The following ASXL1 variants were observed in gnomAD, a reference collection of about 807,000 sequenced individuals.
The protein encoded by ASXL1 is polycomb group protein ASXL1.
Under a neutral mutation model 89.1 loss-of-function variants are expected in ASXL1, and 65 were observed. That is an observed-to-expected ratio of 0.73 (90% CI 0.60 to 0.90). ASXL1 has a LOEUF of 0.90. ASXL1 is among the 40% of genes least tolerant of loss of function. The pLI is 0.00. For missense variants in ASXL1, 1,786 were observed against 1,942.9 expected (o/e 0.92, Z 1.52); for synonymous variants, 739 against 746.9 (o/e 0.99, Z 0.17).
chr20:32,366,276 A>G, intron 1 of ASXL1, 108 bp from the exon 2 acceptor site: 2 of 953,396 alleles, frequency 2.1e-6, no homozygotes, highest in Admixed American at 3.7e-5. Flanking sequence ...TGGAAAAACT[A>G]AGTTGTCACC....
chr20:32,395,409 T>A (rs2048744965), intron 4 of ASXL1, among the ~76,000 whole-genome samples: 1 of 152,214 alleles, frequency 6.6e-6, no homozygotes, highest in Admixed American at 6.5e-5. Context: ...CAAATTTATC[T>A]TTTTTGCCTT....
At position 32,434,480 on chromosome 20, in the gene ASXL1, A is replaced by G; in HGVS notation, c.1768A>G (p.Thr590Ala). ...KPPWVVKGQP[T>A]YQICPRIIPT... ...ACCCTGGGTGGTTAAAGGTCAGCCC[A>G]CTTACCAGATATGCCCCCGGATCAT... The change falls in exon 13 of 13, where the codon ACT becomes GCT. Residue 590 changes from threonine to alanine, a missense_variant. Thr to Ala is a moderately conservative substitution (Grantham distance 58). Coordinates refer to ENST00000375687, the MANE Select transcript of ASXL1 (RefSeq NM_015338.6). The G allele has an allele frequency of 6.2e-7, 1 of 1,614,098 alleles. No individual in the cohort carries two copies. The highest frequency in any genetic ancestry group is 8.5e-7 in the Non-Finnish European group (1 of 1,180,022).
intron 4 of ASXL1, among the ~76,000 whole-genome samples, chr20:32,392,627 C>T (rs994326559): frequency 1.3e-5 from 2 of 150,994 alleles, no homozygotes; most frequent in African/African-American, 4.8e-5. Context: ...GAAATCTTTC[C>T]TCTTTTCTAA....
chr20:32,439,147 A>G lies in ASXL1; in HGVS notation c.*1809A>G. On this transcript the variant is annotated 3_prime_UTR_variant, in exon 13 of 13. Transcript: ENST00000375687. ...GTCAACTTAAGCGTCTGTTTACCAA[A>G]GACCGGGAACAGGGGCCCAAACATG... The G allele has an allele frequency of 4.3e-6, 1 of 233,596 alleles. No individual in the cohort carries two copies. The highest frequency in any genetic ancestry group is 2.2e-5 in the African/African-American group (1 of 45,448). The allele number at this position is 233,596 out of a possible 1,614,324, so 14.5% of individuals were successfully genotyped here.
chr20:32,383,719 T>G (rs1404508453), intron 4 of ASXL1, among the ~76,000 whole-genome samples: 3 of 152,210 alleles, frequency 2.0e-5, no homozygotes, highest in African/African-American at 7.2e-5. Context: ...TATTACTTGG[T>G]ATCTCCACTT....
Position 32,435,985 on chromosome 20 carries a change from C to T in ASXL1, c.3273C>T (p.Ala1091=), listed in dbSNP as rs377353179. The part of the protein sequence containing the change: ...LLASTEYQPR[A]VCLSMPGSSV... ...CCAGTACTGAGTACCAGCCAAGAGC[C>T]GTGTGCCTGTCCATGCCTGGGTCCT... The change falls in exon 13 of 13, where the codon GCC becomes GCT. Residue 1091 remains alanine, a synonymous_variant. Coordinates refer to ENST00000375687, the MANE Select transcript of ASXL1 (RefSeq NM_015338.6). The T allele has an allele frequency of 1.1e-4, 177 of 1,614,164 alleles. 1 individual carries two copies. The highest frequency in any genetic ancestry group is 1.0e-3 in the South Asian group (95 of 91,088).
At chr20:32,410,732 CAGTT>C (rs1486303669) in intron 4 of ASXL1, among the ~76,000 whole-genome samples, 4 of 151,932 alleles carry the variant, frequency 2.6e-5, no homozygotes, top group Admixed American at 1.3e-4. Flanking sequence ...CTACCTAAAA[CAGTT>C]AGTACGCTGA....
chr20:32,403,954 A>G (rs1342460058), intron 4 of ASXL1, among the ~76,000 whole-genome samples: 2 of 152,144 alleles, frequency 1.3e-5, no homozygotes, highest in Non-Finnish European at 2.9e-5. Context: ...TATGCAGTGT[A>G]TAATGATCAA....
At position 32,421,857 on chromosome 20, in the gene ASXL1, G is replaced by GTTTCT. The variant is rs1248347237; in HGVS notation, c.253-6262_253-6258dup. Among the ~76,000 whole-genome samples, 10 of 140,866 alleles carry GTTTCT rather than the reference G, an allele frequency of 7.1e-5. No homozygotes were observed. In the Admixed American group the frequency reaches 7.3e-4, roughly 10 times the overall value. 92.4% of individuals were successfully genotyped at this position (140,866 alleles called of 152,430 possible). ...TTGCCTTCGTGGGGTGAGAGGGGTGGTTTCTTTTCTTTTTTTTTTTTTTTT... is the reference window on the plus strand; with the variant it reads ...TTGCCTTCGTGGGGTGAGAGGGGTGGTTTCTTTTCTTTTCTTTTTTTTTTTTTTTT... On this transcript the variant is annotated intron_variant, in intron 4 of 12. Transcript: ENST00000375687.
intron 4 of ASXL1, among the ~76,000 whole-genome samples, chr20:32,377,972 C>CTGTGTGTGTCGTGTGTGTGTG (rs2048414854): frequency 8.7e-6 from 1 of 115,340 alleles, no homozygotes; most frequent in East Asian, 3.1e-4. Flanking sequence ...AGTTTTGACT[C>CTGTGTGTGTCGTGTGTGTGTG]TGTGTGTGTG....
At position 32,433,297 on chromosome 20, in the gene ASXL1, AAAG is replaced by A. The variant is rs766486788; in HGVS notation, c.1104_1106del (p.Glu369del). ...TTTGATTTGCAGGCTGGGTTTGACC[AAAG>A]AAGAGTCATTGCAGCAGAACGTGGG... On this transcript the variant is annotated inframe_deletion, in exon 12 of 13. Coordinates refer to ENST00000375687, the MANE Select transcript of ASXL1 (RefSeq NM_015338.6). 2.5e-6 allele frequency: 4 copies of A among 1,614,082 alleles called. No homozygotes were observed. The highest frequency in any genetic ancestry group is 3.4e-6 in the Non-Finnish European group (4 of 1,180,044).
In ASXL1 at chr20:32,434,632, C is replaced by T. The variant is rs532924267; in HGVS notation, c.1920C>T (p.Ala640=). 1.7e-5 allele frequency: 27 copies of T among 1,608,820 alleles called. No individual in the cohort carries two copies. Among genetic ancestry groups the T allele is most frequent in the Middle Eastern group, 3.3e-4 (2 of 6,052 alleles). The change falls in exon 13 of 13, where the codon GCC becomes GCT. Residue 640 remains alanine (A), a synonymous_variant. Coordinates refer to ENST00000375687, the MANE Select transcript of ASXL1 (RefSeq NM_015338.6). Reference sequence around the variant, plus strand: ...GCCATAGAGAGGCGGCCACCACTGCCATCGGAGGGGGGGGTGGCCCGGGTG... The same window carrying T: ...GCCATAGAGAGGCGGCCACCACTGCTATCGGAGGGGGGGGTGGCCCGGGTG... The part of the protein sequence containing the change: ...HHCHREAATT[A]IGGGGGPGGG...
intron 4 of ASXL1, among the ~76,000 whole-genome samples, chr20:32,416,843 CTTT>C (rs1327439726): frequency 6.6e-6 from 1 of 152,058 alleles, no homozygotes; most frequent in Non-Finnish European, 1.5e-5. Flanking sequence ...ACTTATAAAT[CTTT>C]TTTAAAAGTT....
At chr20:32,423,531 A>G (rs1022459501) in intron 4 of ASXL1, among the ~76,000 whole-genome samples, 2 of 150,820 alleles carry the variant, frequency 1.3e-5, no homozygotes, top group African/African-American at 4.9e-5. Flanking sequence ...GGGCCACAAT[A>G]CCCAGCATTT....
chr20:32,405,251 A>G (rs1600533612), intron 4 of ASXL1, among the ~76,000 whole-genome samples: 1 of 151,980 alleles, frequency 6.6e-6, no homozygotes. Context: ...TAGCTGGGAC[A>G]AGTGTGTGCC....
chr20:32,384,969 T>C (rs2048553616), intron 4 of ASXL1, among the ~76,000 whole-genome samples: 1 of 151,750 alleles, frequency 6.6e-6, no homozygotes, highest in African/African-American at 2.4e-5. Context: ...GGGACTGCAT[T>C]TGAAAAAAAA....
intron 4 of ASXL1, among the ~76,000 whole-genome samples, chr20:32,397,592 G>C (rs2048792492): frequency 6.6e-6 from 1 of 151,868 alleles, no homozygotes. Flanking sequence ...GTAGAGGCAG[G>C]TTTCACCATA....
intron 4 of ASXL1, among the ~76,000 whole-genome samples, chr20:32,398,199 A>G (rs2048802924): frequency 6.6e-6 from 1 of 152,224 alleles, no homozygotes; most frequent in African/African-American, 2.4e-5. Context: ...TCACATAACA[A>G]AATTAACCAT....
intron 1 of ASXL1, chr20:32,360,835 C>G (rs1157142477): frequency 6.3e-6 from 1 of 159,830 alleles, no homozygotes; most frequent in African/African-American, 2.4e-5. Flanking sequence ...TCTTCTAAGG[C>G]TCTTCATTAA....
Sources: gnomAD v4.1 joint callset for allele counts (sites outside exome capture counted in the v4.1 genomes callset) on GRCh38, gnomAD v4.1.1 for gene constraint, MANE v1.5 for transcripts, NCBI Gene and HGNC (gene_info 2026-07-23, HGNC 2026-07-21) for gene names.